Variants in ERBIN observed in about 807,000 individuals in gnomAD.
ERBIN encodes densin-180-like protein.
ERBIN carries 60 observed loss-of-function variants against 158.4 expected under a neutral mutation model. The observed-to-expected ratio is 0.38, with a 90% CI of 0.31 to 0.47. The LOEUF (loss-of-function observed/expected upper bound fraction) is 0.47. Ranked by LOEUF, ERBIN falls within the 20% of genes least tolerant of loss-of-function variation. The pLI, the probability that ERBIN is intolerant of heterozygous loss-of-function variation, is 0.99. For missense variants in ERBIN, 1,610 were observed against 1,648.0 expected (o/e 0.98, Z 0.40); for synonymous variants, 594 against 557.2 (o/e 1.07, Z -0.93).
At chr5:66,050,747 G>T in intron 19 of ERBIN, 36 bp from the exon 20 acceptor site, 1 of 1,354,696 alleles carries the variant, frequency 7.4e-7, no homozygotes, top group Non-Finnish European at 1.0e-6. Context: ...AATTCTTGGG[G>T]AATTTATCAT....
chr5:65,947,580 T>A (rs1488291766), intron 1 of ERBIN, among the ~76,000 whole-genome samples: 3 of 152,220 alleles, frequency 2.0e-5, no homozygotes, highest in African/African-American at 7.2e-5. Context: ...ACATTACTTT[T>A]AAGTAATTTA....
intron 1 of ERBIN, among the ~76,000 whole-genome samples, chr5:65,945,348 A>G (rs190525088): frequency 6.6e-6 from 1 of 152,320 alleles, no homozygotes; most frequent in East Asian, 1.9e-4. Flanking sequence ...CTGTTTCTTC[A>G]TTAGTTTCTA....
rs1365894568 is a variant in ERBIN, at chr5:66,054,265, A to G, written c.2947A>G (p.Ser983Gly). The G allele has an allele frequency of 3.1e-6, 5 of 1,614,106 alleles. No individual in the cohort carries two copies. In the African/African-American group the frequency reaches 4.0e-5, roughly 13 times the overall value. Reference sequence around the variant, plus strand: ...TCCACAGTATAATATCCAATACAGTAGCAGTGCTGCAGTCAAAGACACTTT... The same window carrying G: ...TCCACAGTATAATATCCAATACAGTGGCAGTGCTGCAGTCAAAGACACTTT... ...GPPQYNIQYS[S>G]SAAVKDTLWH... The change falls in exon 21 of 26, where the codon AGC becomes GGC. Residue 983 changes from serine to glycine, a missense_variant. This residue lies in a region of ERBIN where 1,014 missense variants were observed against 936.1 expected (regional missense o/e 1.08). Coordinates refer to ENST00000284037, the MANE Select transcript of ERBIN (RefSeq NM_001253697.2).
intron 1 of ERBIN, among the ~76,000 whole-genome samples, chr5:65,971,337 A>G (rs1202584668): frequency 6.6e-6 from 1 of 152,032 alleles, no homozygotes; most frequent in East Asian, 1.9e-4. Context: ...CCTTTTTAGA[A>G]GAATAGGTAT....
intron 1 of ERBIN, among the ~76,000 whole-genome samples, chr5:65,931,636 G>A (rs901794165): frequency 6.6e-6 from 1 of 152,014 alleles, no homozygotes; most frequent in African/African-American, 2.4e-5. Context: ...CAAAAATAGT[G>A]GCAATGTTTT....
chr5:65,940,484 C>G (rs747603793), intron 1 of ERBIN, among the ~76,000 whole-genome samples: 3 of 132,248 alleles, frequency 2.3e-5, no homozygotes, highest in Non-Finnish European at 3.3e-5. Context: ...AGTCCCCCCC[C>G]CCCCGGCCAG....
intron 21 of ERBIN, among the ~76,000 whole-genome samples, chr5:66,062,184 A>G (rs1760468378): frequency 6.6e-6 from 1 of 152,196 alleles, no homozygotes; most frequent in Non-Finnish European, 1.5e-5. Context: ...TACACCAGTG[A>G]GACGTAGATT....
chr5:65,966,680 C>CAAAA (rs70987105), intron 1 of ERBIN, among the ~76,000 whole-genome samples: 3 of 50,144 alleles, frequency 6.0e-5, no homozygotes, highest in Admixed American at 3.3e-4. Context: ...AACTCTGTCT[C>CAAAA]AAAAAAAAAA....
chr5:66,020,998 C>A (rs962605391), intron 7 of ERBIN, among the ~76,000 whole-genome samples: 3 of 151,786 alleles, frequency 2.0e-5, no homozygotes, highest in Non-Finnish European at 4.4e-5. Context: ...TATTAGCTGA[C>A]TTGTACTATA....
chr5:66,014,896 G>A (rs1406356194), intron 7 of ERBIN, among the ~76,000 whole-genome samples, 171 bp downstream of exon 7: 1 of 152,164 alleles, frequency 6.6e-6, no homozygotes, highest in East Asian at 1.9e-4. Flanking sequence ...GTATGTGTCT[G>A]TTGTTGGTGC....
chr5:65,983,321 A>G (rs1580248575), intron 1 of ERBIN, among the ~76,000 whole-genome samples: 1 of 152,286 alleles, frequency 6.6e-6, no homozygotes, highest in East Asian at 1.9e-4. Context: ...TTGTAGGCAT[A>G]TCACATTTTA....
At chr5:65,996,569 A>C (rs1752465790) in intron 4 of ERBIN, among the ~76,000 whole-genome samples, 1 of 152,046 alleles carries the variant, frequency 6.6e-6, no homozygotes, top group Non-Finnish European at 1.5e-5. Context: ...GTCGGGTGTG[A>C]TGCCTGCCGT....
intron 1 of ERBIN, among the ~76,000 whole-genome samples, chr5:65,966,536 C>T (rs891446040): frequency 2.6e-5 from 4 of 151,866 alleles, no homozygotes; most frequent in African/African-American, 7.3e-5. Flanking sequence ...CTAAATTAAC[C>T]GGGCATGGTG....
rs879457255 is a variant in ERBIN at position 65,977,222 on chromosome 5, T to C, written c.-57-11413T>C. ...GACCCCCCCCCACCTCCCTCCCGGA[T>C]GGGGCGGCTGGCCGGGCGGGGGGCT... On this transcript the variant is annotated intron_variant, in intron 1 of 25. Transcript: ENST00000284037. 5.2e-3 allele frequency among the ~76,000 whole-genome samples: 467 copies of C among 89,266 alleles called. 1 individual carries two copies. The highest frequency in any genetic ancestry group is 0.013 in the African/African-American group (257 of 19,072). 58.6% of individuals were successfully genotyped at this position (89,266 alleles called of 152,430 possible). A position where few individuals can be genotyped will look rare whatever the true frequency, so the allele number is the denominator to read the frequency against.
At chr5:65,947,110 C>T (rs1234595891) in intron 1 of ERBIN, among the ~76,000 whole-genome samples, 2 of 151,964 alleles carry the variant, frequency 1.3e-5, no homozygotes, top group African/African-American at 4.8e-5. Context: ...TGATGAAATC[C>T]CATTTATTAT....
chr5:66,063,156 C>G (rs918585884), intron 21 of ERBIN, among the ~76,000 whole-genome samples: 3 of 152,222 alleles, frequency 2.0e-5, no homozygotes, highest in African/African-American at 7.2e-5. Context: ...TACCGAGGCA[C>G]GCAGGCCTCC....
chr5:66,023,709 T>A (rs1177489174), intron 9 of ERBIN, among the ~76,000 whole-genome samples: 1 of 148,648 alleles, frequency 6.7e-6, no homozygotes. Flanking sequence ...AGAGTCTCGC[T>A]CTGTTGCCCA....
At chr5:65,983,878 C>T (rs1750922891) in intron 1 of ERBIN, among the ~76,000 whole-genome samples, 1 of 152,226 alleles carries the variant, frequency 6.6e-6, no homozygotes, top group Admixed American at 6.5e-5. Context: ...GCGCCTCAGT[C>T]CCCTGCACAG....
At chr5:66,077,796 A>T (rs1339080982) in intron 25 of ERBIN, among the ~76,000 whole-genome samples, 148 of 123,354 alleles carry the variant, frequency 1.2e-3, no homozygotes, top group African/African-American at 5.1e-3. Flanking sequence ...ACACACACAT[A>T]CACACACACA....
Sources: gnomAD v4.1 joint callset for allele counts (sites outside exome capture counted in the v4.1 genomes callset) on GRCh38, gnomAD v4.1.1 for gene constraint, gnomAD v4.1.1 regional missense constraint, MANE v1.5 for transcripts, NCBI Gene and HGNC (gene_info 2026-07-23, HGNC 2026-07-21) for gene names.